The following TSC22D2 variants were observed in gnomAD, a reference collection of about 807,000 sequenced individuals.
TSC22D2 encodes the protein TSC22 domain family protein 2.
Under a neutral mutation model 50.1 loss-of-function variants are expected in TSC22D2, and 5 were observed. That is an observed-to-expected ratio of 0.10 (90% confidence interval 0.05 to 0.21). The LOEUF is 0.21. Ranked by LOEUF, TSC22D2 falls within the 10% of genes least tolerant of loss-of-function variation. TSC22D2 has a pLI of 1.00. For missense variants in TSC22D2, 1,003 were observed against 1,015.5 expected (o/e 0.99, Z 0.17); for synonymous variants, 501 against 450.1 (o/e 1.11, Z -1.43).
At position 150,464,272 on chromosome 3, in the gene TSC22D2, C is replaced by T. The variant is rs992425272; in HGVS notation, c.*5636C>T. The T allele has an allele frequency of 1.3e-5, 2 of 151,890 alleles. No homozygotes were observed. The highest frequency in any genetic ancestry group is 2.9e-5 in the Non-Finnish European group (2 of 67,980). The allele number at this position is 151,890 out of a possible 1,614,324, so 9.4% of individuals were successfully genotyped here. A position where few individuals can be genotyped will look rare whatever the true frequency, so the allele number is the denominator to read the frequency against. On this transcript the variant is annotated 3_prime_UTR_variant, in exon 3 of 3. Transcript: ENST00000688009. Reference sequence around the variant, plus strand: ...GTATCTATAGATAGGTCATATCATACCTGAGGAAGATCAGAGACAGCAAGG... The same window carrying T: ...GTATCTATAGATAGGTCATATCATATCTGAGGAAGATCAGAGACAGCAAGG...
chr3:150,421,905 C>T (rs1480365855), intron 1 of TSC22D2, among the ~76,000 whole-genome samples: 1 of 152,138 alleles, frequency 6.6e-6, no homozygotes, highest in Non-Finnish European at 1.5e-5. Flanking sequence ...TTAAAGAGGT[C>T]AAACTTTAAC....
intron 1 of TSC22D2, among the ~76,000 whole-genome samples, chr3:150,455,047 G>T (rs1445000232): frequency 6.6e-6 from 1 of 151,998 alleles, no homozygotes; most frequent in Non-Finnish European, 1.5e-5. Flanking sequence ...TATTTAAGGT[G>T]TGCTATTTAA....
At chr3:150,411,957 C>T (rs1421312720) in intron 1 of TSC22D2, among the ~76,000 whole-genome samples, 1 of 152,168 alleles carries the variant, frequency 6.6e-6, no homozygotes, top group Non-Finnish European at 1.5e-5. Context: ...GATATTCTTA[C>T]TTTCCATCAG....
intron 1 of TSC22D2, among the ~76,000 whole-genome samples, chr3:150,448,895 T>TATAA (rs1720960899): frequency 6.8e-6 from 1 of 146,858 alleles, no homozygotes; most frequent in Non-Finnish European, 1.5e-5. Flanking sequence ...TATATATATA[T>TATAA]AATTAGGGGA....
rs190627144 is a variant in TSC22D2, at chr3:150,440,319, A to G, written c.1959-16757A>G. 1.3e-3 allele frequency among the ~76,000 whole-genome samples: 196 copies of G among 152,336 alleles called. 1 individual carries two copies. In the South Asian group the frequency reaches 0.023, roughly 18 times the overall value. ...GTAGCAATGGGTCATCCTCCATTAC[A>G]AAACTATCTTTTATTATTTGCCAAA... On this transcript the variant is annotated intron_variant, in intron 1 of 2. Transcript: ENST00000688009.
chr3:150,432,794 G>A lies in TSC22D2; in HGVS notation c.1958+21486G>A, dbSNP rs1279907120. On this transcript the variant is annotated intron_variant, in intron 1 of 2. Coordinates refer to ENST00000688009, the MANE Select transcript of TSC22D2 (RefSeq NM_001303264.2). ...CCGCAGTTGGGCAACCTTTTGGGAAGAAAGAAATATTAATGGAATTATTTT... is the reference window on the plus strand; with the variant it reads ...CCGCAGTTGGGCAACCTTTTGGGAAAAAAGAAATATTAATGGAATTATTTT... Among the ~76,000 whole-genome samples the A allele has an allele frequency of 4.6e-5, 7 of 152,264 alleles. No homozygotes were observed. In the East Asian group the frequency reaches 1.2e-3, roughly 25 times the overall value.
At chr3:150,448,098 G>A (rs984687277) in intron 1 of TSC22D2, among the ~76,000 whole-genome samples, 3 of 152,118 alleles carry the variant, frequency 2.0e-5, no homozygotes, top group South Asian at 4.1e-4. Flanking sequence ...CCTTTCTTAG[G>A]TCTTACTCAG....
rs1403768148 is a variant in TSC22D2, at chr3:150,459,585, T to TG, written c.*950dup. ...TTTTTTTTTGTTGTTTTTTTTTTTT[T>TG]GTCTTTTTTTTTTTTTATAATGCAC... On this transcript the variant is annotated 3_prime_UTR_variant, in exon 3 of 3. Transcript: ENST00000688009. 1.5e-5 allele frequency: 2 copies of TG among 135,078 alleles called. No individual in the cohort carries two copies. Among genetic ancestry groups the TG allele is most frequent in the Non-Finnish European group, 3.2e-5 (2 of 61,666 alleles). 8.4% of individuals were successfully genotyped at this position (135,078 alleles called of 1,614,324 possible).
At chr3:150,421,317 G>A (rs1458669081) in intron 1 of TSC22D2, among the ~76,000 whole-genome samples, 1 of 151,576 alleles carries the variant, frequency 6.6e-6, no homozygotes, top group Non-Finnish European at 1.5e-5. Flanking sequence ...GGGCAAGCCT[G>A]TTTTTTTATA....
At chr3:150,433,942 G>A (rs1477793750) in intron 1 of TSC22D2, among the ~76,000 whole-genome samples, 1 of 152,098 alleles carries the variant, frequency 6.6e-6, no homozygotes, top group African/African-American at 2.4e-5. Flanking sequence ...GGGTGTGATG[G>A]TGCATGCCTG....
chr3:150,445,075 T>A (rs1004880126), intron 1 of TSC22D2, among the ~76,000 whole-genome samples: 1 of 152,054 alleles, frequency 6.6e-6, no homozygotes, highest in East Asian at 1.9e-4. Flanking sequence ...ATTAGTTATA[T>A]TTCAGTGGGC....
rs374062794 is a variant in TSC22D2, at chr3:150,466,191, T to TCTCA, written c.*7556_*7557insTCAC. ...ATGATACTAGTGATGTTAAATCACA[T>TCTCA]CACACACACACACACACACACACAC... is the stretch of plus-strand genomic sequence containing the variant. On this transcript the variant is annotated 3_prime_UTR_variant, in exon 3 of 3. Transcript: ENST00000688009. 21 of 146,050 alleles carry TCTCA rather than the reference T, an allele frequency of 1.4e-4. No individual in the cohort carries two copies. Among genetic ancestry groups the TCTCA allele is most frequent in the Admixed American group, 8.9e-4 (13 of 14,560 alleles). 9.0% of individuals were successfully genotyped at this position (146,050 alleles called of 1,614,324 possible). A position where few individuals can be genotyped will look rare whatever the true frequency, so the allele number is the denominator to read the frequency against.
rs1398183335 is a variant in TSC22D2, at chr3:150,460,871, AAATGAAT to A, written c.*2239_*2245del. On this transcript the variant is annotated 3_prime_UTR_variant, in exon 3 of 3. Coordinates refer to ENST00000688009, the MANE Select transcript of TSC22D2 (RefSeq NM_001303264.2). ...ATAAACAAAGTAATAGTCTCCAAGGAAATGAATAATAAGGTTTAAAATGGTAACAGCA... is the reference window on the plus strand; with the variant it reads ...ATAAACAAAGTAATAGTCTCCAAGGAAATAAGGTTTAAAATGGTAACAGCA... The A allele has an allele frequency of 1.3e-5, 2 of 152,200 alleles. No individual in the cohort carries two copies. Among genetic ancestry groups the A allele is most frequent in the African/African-American group, 4.8e-5 (2 of 41,450 alleles). 9.4% of individuals were successfully genotyped at this position (152,200 alleles called of 1,614,324 possible). A position where few individuals can be genotyped will look rare whatever the true frequency, so the allele number is the denominator to read the frequency against.
In TSC22D2 at chr3:150,463,658, T is replaced by G. The variant is rs1230031781; in HGVS notation, c.*5022T>G. 6.6e-6 allele frequency: 1 copy of G among 152,188 alleles called. No individual in the cohort carries two copies. The highest frequency in any genetic ancestry group is 1.5e-5 in the Non-Finnish European group (1 of 68,036). The allele number at this position is 152,188 out of a possible 1,614,324, so 9.4% of individuals were successfully genotyped here. ...GTGGAGTACAATTGGTATGACATGC[T>G]GTGTTCATAGATGAAAATGCTAAGT... On this transcript the variant is annotated 3_prime_UTR_variant, in exon 3 of 3. Transcript: ENST00000688009.
At position 150,410,191 on chromosome 3, in the gene TSC22D2, G is replaced by T. The variant is rs758164350; in HGVS notation, c.841G>T (p.Val281Leu). 15 of 1,605,344 alleles carry T rather than the reference G, an allele frequency of 9.3e-6. No individual in the cohort carries two copies. Among genetic ancestry groups the T allele is most frequent in the Non-Finnish European group, 1.3e-5 (15 of 1,176,522 alleles). ...VGQPQPPPPPVGGAVAQSSAP... is the reference protein window; with the variant it reads ...VGQPQPPPPPLGGAVAQSSAP... Reference sequence around the variant, plus strand: ...GCAGCCACAGCCGCCGCCGCCACCCGTAGGTGGGGCTGTGGCTCAAAGCTC... The same window carrying T: ...GCAGCCACAGCCGCCGCCGCCACCCTTAGGTGGGGCTGTGGCTCAAAGCTC... The change falls in exon 1 of 3, where the codon GTA becomes TTA. Residue 281 changes from valine (V) to leucine (L), a missense_variant. By Grantham distance (32) the Val-to-Leu change is conservative (BLOSUM62 1). Transcript: ENST00000688009.
rs1040291268 is a variant in TSC22D2 at position 150,411,270 on chromosome 3, A to G, written c.1920A>G (p.Val640=). 1 of 1,614,162 alleles carries G rather than the reference A, an allele frequency of 6.2e-7. No homozygotes were observed. The highest frequency in any genetic ancestry group is 1.3e-5 in the African/African-American group (1 of 75,056). The change falls in exon 1 of 3, where the codon GTA becomes GTG. Residue 640 remains valine (V), a synonymous_variant. Coordinates refer to ENST00000688009, the MANE Select transcript of TSC22D2 (RefSeq NM_001303264.2). ...LTPMNSLATS[V]FSIAIPVDGD... is the part of the protein sequence containing the mutation. ...CTATGAACAGTCTGGCCACCTCTGT[A>G]TTCAGCATAGCTATTCCTGTTGATG...
chr3:150,422,658 A>G (rs1370657768), intron 1 of TSC22D2, among the ~76,000 whole-genome samples: 1 of 152,238 alleles, frequency 6.6e-6, no homozygotes, highest in South Asian at 2.1e-4. Flanking sequence ...CTTAGTTTAT[A>G]TGAATACCTA....
intron 1 of TSC22D2, among the ~76,000 whole-genome samples, chr3:150,450,766 T>G (rs1721015382): frequency 6.6e-6 from 1 of 152,190 alleles, no homozygotes; most frequent in Non-Finnish European, 1.5e-5. Flanking sequence ...TACTGAACTG[T>G]AGATTGATTA....
chr3:150,433,765 A>ATTAT (rs1483688457), intron 1 of TSC22D2, among the ~76,000 whole-genome samples: 7 of 152,198 alleles, frequency 4.6e-5, no homozygotes, highest in Non-Finnish European at 8.8e-5. Context: ...AGCATAATAT[A>ATTAT]TTATGGTTTC....
Sources: allele counts gnomAD v4.1 joint callset (sites outside exome capture counted in the v4.1 genomes callset), GRCh38; gene constraint gnomAD v4.1.1; transcripts MANE v1.5; gene names NCBI Gene and HGNC (gene_info 2026-07-23, HGNC 2026-07-21).